The following TRIM2 variants were observed in gnomAD, a reference collection of about 807,000 sequenced individuals.
TRIM2 encodes tripartite motif-containing protein 2.
A neutral mutation model predicts 75.2 loss-of-function variants in TRIM2; 20 were observed. That is an observed-to-expected ratio of 0.27 (90% CI 0.19 to 0.39). The LOEUF is 0.39. Among genes scored for constraint, TRIM2 ranks in the 10% least tolerant of loss-of-function variants. The pLI is 1.00. For missense variants in TRIM2, 660 were observed against 990.8 expected, an observed-to-expected ratio of 0.67 and a Z score of 4.48; for synonymous variants, 373 against 388.3, an observed-to-expected ratio of 0.96 and a Z score of 0.46.
chr4:153,265,116 A>G (rs1385593543), intron 1 of TRIM2, among the ~76,000 whole-genome samples: 3 of 152,056 alleles, frequency 2.0e-5, no homozygotes, highest in Admixed American at 6.5e-5. Context: ...ATATCATTTG[A>G]TTAAAACAAA....
Position 153,310,811 on chromosome 4 carries a change from A to G in TRIM2, c.1511-4674A>G, listed in dbSNP as rs17839147. On this transcript the variant is annotated intron_variant, in intron 6 of 11. Coordinates refer to ENST00000338700, the MANE Select transcript of TRIM2 (RefSeq NM_015271.5). ...AAAAATGGTAGTGCCTGTTTCGTTT[A>G]GCTTCTTTCAAAAATATATAAGCAA... Among the ~76,000 whole-genome samples, 1,428 of 152,326 alleles carry G rather than the reference A, an allele frequency of 9.4e-3. 18 individuals carry two copies. Among genetic ancestry groups the G allele is most frequent in the African/African-American group, 0.03 (1,263 of 41,578 alleles).
intron 8 of TRIM2, 117 bp from the exon 9 acceptor site, chr4:153,322,531 G>C: frequency 8.9e-7 from 1 of 1,120,760 alleles, no homozygotes; most frequent in Non-Finnish European, 1.2e-6. Flanking sequence ...GAGTAGCTGT[G>C]TACCCGTTTG....
chr4:153,228,243 G>T (rs114944972), intron 1 of TRIM2, among the ~76,000 whole-genome samples: 429 of 152,210 alleles, frequency 2.8e-3, no homozygotes, highest in African/African-American at 0.01. Context: ...AATCATCCTT[G>T]TCACTCCATT....
chr4:153,181,605 C>A (rs1183649533), intron 1 of TRIM2, among the ~76,000 whole-genome samples: 1 of 152,128 alleles, frequency 6.6e-6, no homozygotes, highest in Non-Finnish European at 1.5e-5. Context: ...CCCTCATGCG[C>A]CAGGGATGAG....
chr4:153,289,168 G>A (rs1227883717), intron 3 of TRIM2, among the ~76,000 whole-genome samples: 2 of 151,994 alleles, frequency 1.3e-5, no homozygotes, highest in African/African-American at 2.4e-5. Flanking sequence ...AACATTTAAA[G>A]TACTATATTG....
intron 6 of TRIM2, among the ~76,000 whole-genome samples, chr4:153,311,027 A>T (rs1420249015): frequency 6.6e-6 from 1 of 152,208 alleles, no homozygotes; most frequent in African/African-American, 2.4e-5. Context: ...CTTGTGACCT[A>T]GTATTAGCAG....
At chr4:153,246,288 G>A (rs1749118132) in intron 1 of TRIM2, among the ~76,000 whole-genome samples, 1 of 152,124 alleles carries the variant, frequency 6.6e-6, no homozygotes, top group Non-Finnish European at 1.5e-5. Flanking sequence ...GAAAAGGAGG[G>A]TAAGAGAGGT....
At chr4:153,185,555 A>AT (rs1243159930) in intron 1 of TRIM2, among the ~76,000 whole-genome samples, 2 of 151,816 alleles carry the variant, frequency 1.3e-5, no homozygotes, top group Non-Finnish European at 2.9e-5. Flanking sequence ...TGGCTCTGAT[A>AT]TTTTCATGTG....
rs1171749657 is a variant in TRIM2 at position 153,307,925 on chromosome 4, G to A, written c.1511-7560G>A. On this transcript the variant is annotated intron_variant, in intron 6 of 11. Transcript: ENST00000338700. ...TCAGGACCTTATCTTGAGTCCCCAT[G>A]CCCATTATGGAGTCGTACAGCCGGT... 23 of 753,392 alleles carry A rather than the reference G, an allele frequency of 3.1e-5. No homozygotes were observed. The East Asian group carries it at 4.7e-4, about 15-fold the overall frequency. The allele number at this position is 753,392 out of a possible 1,614,324, so 46.7% of individuals were successfully genotyped here. A position where few individuals can be genotyped will look rare whatever the true frequency, so the allele number is the denominator to read the frequency against.
chr4:153,195,370 G>A (rs113676110), intron 1 of TRIM2, among the ~76,000 whole-genome samples: 11,769 of 152,170 alleles, frequency 0.077, 679 homozygotes, highest in Admixed American at 0.15. Context: ...AACATTAGCT[G>A]GGTGTGGTGG....
rs188126429 is a variant in TRIM2 at position 153,310,672 on chromosome 4, G to A, written c.1511-4813G>A. Among the ~76,000 whole-genome samples, 28 of 152,114 alleles carry A rather than the reference G, an allele frequency of 1.8e-4. 1 individual carries two copies. The highest frequency in any genetic ancestry group is 4.8e-4 in the African/African-American group (20 of 41,458). On this transcript the variant is annotated intron_variant, in intron 6 of 11. Transcript: ENST00000338700. ...AATAATAATCAATAATCTCCAATAC[G>A]ACAAAAGAGGACCGTAAGAATCAGG...
chr4:153,189,034 A>G (rs1007108655), intron 1 of TRIM2, among the ~76,000 whole-genome samples: 10 of 152,038 alleles, frequency 6.6e-5, no homozygotes, highest in African/African-American at 2.2e-4. Flanking sequence ...AATTAATTTT[A>G]TCAAATAGAG....
At chr4:153,302,248 G>C (rs930427) in intron 6 of TRIM2, among the ~76,000 whole-genome samples, 153 of 151,398 alleles carry the variant, frequency 1.0e-3, no homozygotes, top group African/African-American at 3.6e-3. Flanking sequence ...TCTTGCATTC[G>C]TCTTTAACTT....
At chr4:153,304,483 G>T (rs1320897929) in intron 6 of TRIM2, among the ~76,000 whole-genome samples, 1 of 152,144 alleles carries the variant, frequency 6.6e-6, no homozygotes, top group African/African-American at 2.4e-5. Flanking sequence ...AGGAGGAAAA[G>T]AGTGTTTTAT....
chr4:153,255,168 G>A lies in TRIM2; in HGVS notation c.31-15167G>A, dbSNP rs552550198. Among the ~76,000 whole-genome samples, 5 of 152,220 alleles carry A rather than the reference G, an allele frequency of 3.3e-5. No individual in the cohort carries two copies. In the East Asian group the frequency reaches 5.8e-4, roughly 18 times the overall value. ...ACACTAGATTGTGACCTCCCTGAGG[G>A]CTCAGAAATATTAAATTCTTCTCTG... On this transcript the variant is annotated intron_variant, in intron 1 of 11. Transcript: ENST00000338700.
At chr4:153,269,213 T>C (rs998963520) in intron 1 of TRIM2, among the ~76,000 whole-genome samples, 3 of 152,194 alleles carry the variant, frequency 2.0e-5, no homozygotes, top group Non-Finnish European at 2.9e-5. Context: ...ACCTCCTCTT[T>C]GGGTTTTATA....
At chr4:153,323,010 G>A (rs1248406094) in intron 9 of TRIM2, among the ~76,000 whole-genome samples, 194 bp downstream of exon 9, 1 of 152,194 alleles carries the variant, frequency 6.6e-6, no homozygotes, top group Non-Finnish European at 1.5e-5. Flanking sequence ...CCGGCAGTAA[G>A]TTGAGCTGCA....
At chr4:153,223,224 G>A (rs1741165416) in intron 1 of TRIM2, among the ~76,000 whole-genome samples, 1 of 152,184 alleles carries the variant, frequency 6.6e-6, no homozygotes. Context: ...CCGCTGAGCA[G>A]CAGAACCTGG....
Position 153,227,342 on chromosome 4 carries a change from C to T in TRIM2, c.30+22782C>T, listed in dbSNP as rs568269239. On this transcript the variant is annotated intron_variant, in intron 1 of 11. Coordinates refer to ENST00000338700, the MANE Select transcript of TRIM2 (RefSeq NM_015271.5). ...ACAATTCAACAGTGGCCCTGGGTAG[C>T]GCCAAAATAACCCATCATAGAAACA... Among the ~76,000 whole-genome samples, 399 of 152,234 alleles carry T rather than the reference C, an allele frequency of 2.6e-3. 5 individuals are homozygous for T. Among genetic ancestry groups the T allele is most frequent in the African/African-American group, 9.2e-3 (383 of 41,548 alleles).
Sources: allele counts gnomAD v4.1 joint callset (sites outside exome capture counted in the v4.1 genomes callset), GRCh38; gene constraint gnomAD v4.1.1; transcripts MANE v1.5; gene names NCBI Gene and HGNC (gene_info 2026-07-23, HGNC 2026-07-21).